The following PGCKA1 variants were observed in gnomAD, a reference collection of about 807,000 sequenced individuals.
The protein encoded by PGCKA1 is PDCD10 and GCKIII kinases-associated protein 1.
At chr4:37,587,545 T>C in the PGCKA1 span, among the ~76,000 whole-genome samples, 1 of 152,172 alleles carries the variant, frequency 6.6e-6, no homozygotes, top group South Asian at 2.1e-4. Context: ...TCACCTATGA[T>C]TGAAAGAAGG....
the PGCKA1 span, among the ~76,000 whole-genome samples, chr4:37,585,007 T>C: frequency 5.1e-5 from 1 of 19,532 alleles, no homozygotes; most frequent in Non-Finnish European, 1.0e-4. Flanking sequence ...CTTTGACTTG[T>C]TTTTTTTTTT....
At chr4:37,568,905 C>T in the PGCKA1 span, among the ~76,000 whole-genome samples, 1 of 152,072 alleles carries the variant, frequency 6.6e-6, no homozygotes, top group Non-Finnish European at 1.5e-5. Context: ...GCCTGGGCAA[C>T]AAGACAAAAT....
the PGCKA1 span, among the ~76,000 whole-genome samples, chr4:37,526,609 C>T: frequency 6.6e-6 from 1 of 152,152 alleles, no homozygotes; most frequent in Non-Finnish European, 1.5e-5. Flanking sequence ...GTATATGTGA[C>T]AGGGATCTCA....
chr4:37,517,634 T>A, the PGCKA1 span, among the ~76,000 whole-genome samples: 1 of 152,150 alleles, frequency 6.6e-6, no homozygotes, highest in Admixed American at 6.6e-5. Context: ...TTTTAATTTT[T>A]TGTGGGTACA....
At chr4:37,545,861 C>A in the PGCKA1 span, among the ~76,000 whole-genome samples, 1 of 152,202 alleles carries the variant, frequency 6.6e-6, no homozygotes, top group East Asian at 1.9e-4. Flanking sequence ...ATAATTCCTT[C>A]TTTTATCATA....
chr4:37,520,110 G>C, the PGCKA1 span, among the ~76,000 whole-genome samples: 3 of 152,154 alleles, frequency 2.0e-5, no homozygotes, highest in East Asian at 5.8e-4. Flanking sequence ...AGGGATAAAT[G>C]CCATGTGATC....
chr4:37,547,641 C>T, the PGCKA1 span, among the ~76,000 whole-genome samples: 3 of 152,118 alleles, frequency 2.0e-5, no homozygotes, highest in Admixed American at 2.0e-4. Context: ...AACCTGTAAG[C>T]CAAGGCACCC....
the PGCKA1 span, chr4:37,453,896 G>C: frequency 3.9e-5 from 6 of 152,486 alleles, no homozygotes; most frequent in East Asian, 1.2e-3. Context: ...CGGGCCCAAT[G>C]ACAGCGCTGG....
chr4:37,460,530 C>T, the PGCKA1 span: 1 of 452,590 alleles, frequency 2.2e-6, no homozygotes, highest in East Asian at 7.1e-5. Flanking sequence ...AATCACCATT[C>T]TGACTGGTAT....
At chr4:37,582,404 A>G in the PGCKA1 span, among the ~76,000 whole-genome samples, 1 of 152,202 alleles carries the variant, frequency 6.6e-6, no homozygotes, top group East Asian at 1.9e-4. Context: ...GTTCAAAAGC[A>G]GGTAATTCAC....
chr4:37,519,796 T>G, the PGCKA1 span, among the ~76,000 whole-genome samples: 4 of 152,240 alleles, frequency 2.6e-5, no homozygotes, highest in Non-Finnish European at 5.9e-5. Context: ...CTTCCAGTAC[T>G]TTTTTGAGTA....
the PGCKA1 span, among the ~76,000 whole-genome samples, chr4:37,488,382 G>A: frequency 6.6e-6 from 1 of 152,124 alleles, no homozygotes; most frequent in African/African-American, 2.4e-5. Context: ...TGGCCCCACA[G>A]TCATGCCATG....
At chr4:37,523,178 T>C in the PGCKA1 span, among the ~76,000 whole-genome samples, 1 of 152,162 alleles carries the variant, frequency 6.6e-6, no homozygotes. Flanking sequence ...GTAATTCCCC[T>C]CTGGCTAGGG....
chr4:37,572,749 C>T, the PGCKA1 span, among the ~76,000 whole-genome samples: 1 of 152,042 alleles, frequency 6.6e-6, no homozygotes, highest in Non-Finnish European at 1.5e-5. Flanking sequence ...TTACACATAC[C>T]TGAAGATAAT....
the PGCKA1 span, among the ~76,000 whole-genome samples, chr4:37,467,511 T>G: frequency 6.6e-6 from 1 of 152,202 alleles, no homozygotes; most frequent in Non-Finnish European, 1.5e-5. Flanking sequence ...TCTTCTAGAT[T>G]GTTAGAGCCA....
At chr4:37,487,143 G>A in the PGCKA1 span, among the ~76,000 whole-genome samples, 20 of 152,168 alleles carry the variant, frequency 1.3e-4, no homozygotes, top group African/African-American at 4.8e-4. Flanking sequence ...GAAATGCTTT[G>A]CTTGTTTTGA....
At chr4:37,529,724 T>C in the PGCKA1 span, among the ~76,000 whole-genome samples, 1 of 152,168 alleles carries the variant, frequency 6.6e-6, no homozygotes, top group Admixed American at 6.5e-5. Flanking sequence ...GGAAGCTGGC[T>C]CTTTCATCGG....
the PGCKA1 span, among the ~76,000 whole-genome samples, chr4:37,521,107 A>T: frequency 6.6e-6 from 1 of 151,296 alleles, no homozygotes; most frequent in Admixed American, 6.6e-5. Context: ...CTAATTTTGG[A>T]TTTGGTTTGC....
At chr4:37,572,816 G>A in the PGCKA1 span, among the ~76,000 whole-genome samples, 4 of 152,118 alleles carry the variant, frequency 2.6e-5, no homozygotes, top group Admixed American at 6.5e-5. Context: ...TTTCACTGTG[G>A]CCTGTCACAT....
Sources: allele counts gnomAD v4.1 joint callset (sites outside exome capture counted in the v4.1 genomes callset), GRCh38; gene constraint gnomAD v4.1.1; transcripts MANE v1.5; gene names NCBI Gene and HGNC (gene_info 2026-07-23, HGNC 2026-07-21).